Variants in SLC41A3 observed in about 807,000 individuals in gnomAD.
The protein encoded by SLC41A3 is solute carrier family 41 member 3.
SLC41A3 carries 44 observed loss-of-function variants against 45.4 expected under a neutral mutation model. The ratio of observed to expected loss-of-function variants is 0.97; its 90% CI spans 0.76 to 1.25. The LOEUF is 1.25. SLC41A3 is among the 50% of genes most tolerant of loss of function. The pLI is 0.00. For missense variants in SLC41A3, 550 were observed against 600.6 expected, an observed-to-expected ratio of 0.92 and a Z score of 0.88; for synonymous variants, 256 against 252.4, an observed-to-expected ratio of 1.01 and a Z score of -0.13.
chr3:126,010,510 A>G (rs529090117), intron 9 of SLC41A3, among the ~76,000 whole-genome samples: 2 of 152,342 alleles, frequency 1.3e-5, no homozygotes, highest in African/African-American at 2.4e-5. Context: ...CTTTTTCACC[A>G]AAGGCCAGGA....
intron 6 of SLC41A3, among the ~76,000 whole-genome samples, chr3:126,022,230 A>C (rs1940949029): frequency 2.0e-5 from 3 of 152,258 alleles, no homozygotes; most frequent in Non-Finnish European, 4.4e-5. Flanking sequence ...GTTTCTCCAG[A>C]TAGCTGGACT....
intron 3 of SLC41A3, among the ~76,000 whole-genome samples, chr3:126,041,435 G>GA (rs1351751647): frequency 6.6e-6 from 1 of 152,000 alleles, no homozygotes; most frequent in Non-Finnish European, 1.5e-5. Flanking sequence ...GATGATAAAA[G>GA]AAAAAAATCT....
intron 2 of SLC41A3, among the ~76,000 whole-genome samples, chr3:126,067,222 C>T (rs1472444648): frequency 2.6e-5 from 4 of 151,754 alleles, no homozygotes; most frequent in African/African-American, 7.3e-5. Context: ...CCAATTTATT[C>T]AGAGATGTAT....
At chr3:126,076,342 T>G (rs986664378) in intron 1 of SLC41A3, among the ~76,000 whole-genome samples, 3 of 152,226 alleles carry the variant, frequency 2.0e-5, no homozygotes. Context: ...CAGTACTTCA[T>G]TCCTTTTTAC....
rs532979365 is a variant in SLC41A3, at chr3:126,008,721, G to C, written c.1254+11C>G. 3.1e-6 allele frequency: 5 copies of C among 1,613,244 alleles called. No homozygotes were observed. The South Asian group carries it at 5.5e-5, about 18-fold the overall frequency. ...CAGCTGCGCACCTCTAATTGCTGCA[G>C]CCAGGCTTACCTGGATCAGGCCTGC... On this transcript the variant is annotated intron_variant, in intron 10 of 10. Transcript: ENST00000360370.
At chr3:126,041,679 T>C (rs1470879802) in intron 3 of SLC41A3, among the ~76,000 whole-genome samples, 1 of 152,118 alleles carries the variant, frequency 6.6e-6, no homozygotes, top group African/African-American at 2.4e-5. Context: ...TTCCAACAAA[T>C]CTTATCTAAA....
chr3:126,021,470 T>C (rs1172092364), intron 6 of SLC41A3, among the ~76,000 whole-genome samples: 1 of 152,246 alleles, frequency 6.6e-6, no homozygotes, highest in Non-Finnish European at 1.5e-5. Flanking sequence ...TATGGCTTGC[T>C]AATTCCAGGT....
At position 126,082,347 on chromosome 3, in the gene SLC41A3, T is replaced by G. The variant is rs138256029; in HGVS notation, c.-28+1746A>C. On this transcript the variant is annotated intron_variant, in intron 1 of 10. Transcript: ENST00000360370. ...CCTCCAAGGTCCCCACAGAGGACAT[T>G]GGGCAATGTCTGCACATGGTTTTGG... Among the ~76,000 whole-genome samples, 14 of 152,270 alleles carry G rather than the reference T, an allele frequency of 9.2e-5. No homozygotes were observed. The East Asian group carries it at 2.7e-3, about 29-fold the overall frequency.
At chr3:126,098,736 G>C (rs1402726909) in intron 1 of SLC41A3, among the ~76,000 whole-genome samples, 5 of 152,166 alleles carry the variant, frequency 3.3e-5, no homozygotes, top group East Asian at 1.9e-4. Context: ...TGTCCAGCTG[G>C]TGTTCCCAGC....
At chr3:126,051,458 C>T (rs1310241596) in intron 2 of SLC41A3, among the ~76,000 whole-genome samples, 1 of 152,180 alleles carries the variant, frequency 6.6e-6, no homozygotes, top group Non-Finnish European at 1.5e-5. Flanking sequence ...CGGGGATCAA[C>T]GATCTTCACA....
rs1416423437 is a variant in SLC41A3 at position 126,084,095 on chromosome 3, G to T, written c.-30C>A. ...GCCCGGAACAGGGCCGCGCTTACCG[G>T]GTCCCCTCCCAGGCGGCGGCGGGAA... On this transcript the variant is annotated splice_region_variant and 5_prime_UTR_variant, in exon 1 of 11. Transcript: ENST00000360370. 3 of 152,358 alleles carry T rather than the reference G, an allele frequency of 2.0e-5. No individual in the cohort carries two copies. The highest frequency in any genetic ancestry group is 7.2e-5 in the African/African-American group (3 of 41,410). The allele number at this position is 152,358 out of a possible 1,614,324, so 9.4% of individuals were successfully genotyped here.
At chr3:126,051,449 G>A (rs1328636020) in intron 2 of SLC41A3, among the ~76,000 whole-genome samples, 3 of 65,628 alleles carry the variant, frequency 4.6e-5, no homozygotes, top group Non-Finnish European at 7.0e-5. Flanking sequence ...TGACTCTACC[G>A]GGGATCAACG....
intron 3 of SLC41A3, among the ~76,000 whole-genome samples, chr3:126,048,701 G>A (rs1410412293): frequency 6.6e-6 from 1 of 152,130 alleles, no homozygotes; most frequent in Non-Finnish European, 1.5e-5. Flanking sequence ...GGAGTTGAAG[G>A]CAAAACTAAC....
At chr3:126,100,386 G>C (rs1474547413) in intron 1 of SLC41A3, among the ~76,000 whole-genome samples, 2 of 152,150 alleles carry the variant, frequency 1.3e-5, no homozygotes, top group Admixed American at 6.5e-5. Context: ...AAGACTTCTG[G>C]TGAATTCCAC....
chr3:126,017,197 C>T (rs375323787), intron 6 of SLC41A3, among the ~76,000 whole-genome samples: 1 of 152,262 alleles, frequency 6.6e-6, no homozygotes, highest in East Asian at 1.9e-4. Context: ...GTATGGAATG[C>T]ACCATGAGCC....
intron 1 of SLC41A3, among the ~76,000 whole-genome samples, chr3:126,074,684 T>G (rs1342288224): frequency 1.3e-5 from 2 of 151,896 alleles, no homozygotes; most frequent in Non-Finnish European, 2.9e-5. Flanking sequence ...GTTGTTGTTT[T>G]TTTTTTGTTG....
At chr3:126,088,141 AT>A (rs1003091324), upstream of SLC41A3, among the ~76,000 whole-genome samples, 5 of 151,378 alleles carry the variant, frequency 3.3e-5, no homozygotes, top group African/African-American at 7.3e-5. Flanking sequence ...AAGGGAGATA[AT>A]TTTTTTTTGA....
intron 2 of SLC41A3, among the ~76,000 whole-genome samples, chr3:126,066,769 G>A (rs1232058399): frequency 6.6e-6 from 1 of 152,170 alleles, no homozygotes; most frequent in Non-Finnish European, 1.5e-5. Context: ...TGAGTTGATA[G>A]CAGAAGAGCA....
At chr3:126,078,628 C>A (rs1365586223) in intron 1 of SLC41A3, among the ~76,000 whole-genome samples, 1 of 152,172 alleles carries the variant, frequency 6.6e-6, no homozygotes, top group Admixed American at 6.5e-5. Flanking sequence ...TATGCCTTTA[C>A]CTCCTTTAAT....
Sources: allele counts gnomAD v4.1 joint callset (sites outside exome capture counted in the v4.1 genomes callset), GRCh38; gene constraint gnomAD v4.1.1; transcripts MANE v1.5; gene names NCBI Gene and HGNC (gene_info 2026-07-23, HGNC 2026-07-21).